Variants in BICDL1 observed in about 807,000 individuals in gnomAD.
The protein encoded by BICDL1 is BICD family-like cargo adapter 1.
A neutral mutation model predicts 76.8 loss-of-function variants in BICDL1; 20 were observed. The ratio of observed to expected loss-of-function variants is 0.26; its 90% CI spans 0.18 to 0.38. The LOEUF is 0.38. BICDL1 is among the 10% of genes least tolerant of loss of function. BICDL1 has a pLI of 1.00. For missense variants in BICDL1, 700 were observed against 798.6 expected (o/e 0.88, Z 1.49); for synonymous variants, 383 against 337.1 (o/e 1.14, Z -1.49).
rs1030022643 is a variant in BICDL1 at position 120,093,659 on chromosome 12, G to A, written c.*498G>A. Reference sequence around the variant, plus strand: ...ATTCCTTCCCCAGCCCCTGGCCCAGGGTCAAAGGAGAGATGGCAGCCCCTC... The same window carrying A: ...ATTCCTTCCCCAGCCCCTGGCCCAGAGTCAAAGGAGAGATGGCAGCCCCTC... On this transcript the variant is annotated 3_prime_UTR_variant, in exon 10 of 10. Coordinates refer to ENST00000548673, the MANE Select transcript of BICDL1 (RefSeq NM_001367886.1). 6 of 170,440 alleles carry A rather than the reference G, an allele frequency of 3.5e-5. No homozygotes were observed. The highest frequency in any genetic ancestry group is 7.2e-5 in the African/African-American group (3 of 41,598). 10.6% of individuals were successfully genotyped at this position (170,440 alleles called of 1,614,324 possible).
At chr12:120,068,366 G>A (rs935491846) in intron 4 of BICDL1, among the ~76,000 whole-genome samples, 1 of 152,244 alleles carries the variant, frequency 6.6e-6, no homozygotes, top group Non-Finnish European at 1.5e-5. Context: ...GTGGGGAGTT[G>A]CAGTCCACAG....
intron 2 of BICDL1, chr12:120,057,143 C>A: frequency 1.9e-6 from 1 of 517,040 alleles, no homozygotes; most frequent in Non-Finnish European, 3.9e-6. Context: ...TGACAGGTTC[C>A]CAATTATTAC....
rs993168692 is a variant in BICDL1, at chr12:120,094,234, G to GC, written c.*1076dup. 2.2e-6 allele frequency: 1 copy of GC among 456,762 alleles called. No individual in the cohort carries two copies. The highest frequency in any genetic ancestry group is 1.5e-5 in the South Asian group (1 of 64,574). The allele number at this position is 456,762 out of a possible 1,614,324, so 28.3% of individuals were successfully genotyped here. A position where few individuals can be genotyped will look rare whatever the true frequency, so the allele number is the denominator to read the frequency against. ...ACTCAGAGGCTCCGCGGCCCGGCCA[G>GC]CCCTCAGCTGCTCACAACCGATTCA... On this transcript the variant is annotated 3_prime_UTR_variant, in exon 10 of 10. Transcript: ENST00000548673.
At chr12:120,051,589 G>A (rs1252086791) in intron 2 of BICDL1, among the ~76,000 whole-genome samples, 1 of 152,142 alleles carries the variant, frequency 6.6e-6, no homozygotes, top group African/African-American at 2.4e-5. Flanking sequence ...CTCCAAAGAG[G>A]ATTTGCGTTT....
intron 4 of BICDL1, among the ~76,000 whole-genome samples, chr12:120,069,177 A>G (rs1253970027): frequency 6.6e-6 from 1 of 152,242 alleles, no homozygotes; most frequent in Non-Finnish European, 1.5e-5. Flanking sequence ...TCTAAAGGGC[A>G]TATAATATAT....
At chr12:119,996,987 C>G (rs571905281) in intron 1 of BICDL1, among the ~76,000 whole-genome samples, 1 of 150,000 alleles carries the variant, frequency 6.7e-6, no homozygotes, top group Non-Finnish European at 1.5e-5. Flanking sequence ...CTCGCTCCGT[C>G]GTCCGGGCTA....
In BICDL1 at chr12:120,093,000, G is replaced by C. The variant is rs760865612; in HGVS notation, c.1705G>C (p.Asp569His). ...NLSQQLEAWQDDMHRVIDRQL... is the reference protein window; with the variant it reads ...NLSQQLEAWQHDMHRVIDRQL... ...GGCCACTGTCCCCTCCCCTCTGCAG[G>C]ATGACATGCACAGGGTCATTGACCG... is the stretch of plus-strand genomic sequence containing the variant. Residue 569 changes from aspartate to histidine, a missense_variant and splice_region_variant, in exon 10 of 10, where the codon GAT (aspartate) becomes CAT (histidine). By Grantham distance (81) the Asp-to-His change is moderately conservative. Transcript: ENST00000548673. 1 of 1,555,000 alleles carries C rather than the reference G, an allele frequency of 6.4e-7. No individual in the cohort carries two copies. Among genetic ancestry groups the C allele is most frequent in the South Asian group, 1.2e-5 (1 of 81,810 alleles).
intron 4 of BICDL1, among the ~76,000 whole-genome samples, chr12:120,067,015 G>T (rs1483658072): frequency 6.6e-6 from 1 of 152,154 alleles, no homozygotes; most frequent in Non-Finnish European, 1.5e-5. Context: ...TATATAATTG[G>T]GGTCCTGCTG....
In BICDL1 at chr12:120,087,316, G is replaced by C. The variant is rs143925542; in HGVS notation, c.1584-2635G>C. Among the ~76,000 whole-genome samples, 37 of 152,342 alleles carry C rather than the reference G, an allele frequency of 2.4e-4. No individual in the cohort carries two copies. The East Asian group carries it at 5.4e-3, about 22-fold the overall frequency. Reference sequence around the variant, plus strand: ...ACGCGGTGGCTGAGCTGTCTGGAGCGGTTTCTCTAGGGAAGGCAGGCGGGC... The same window carrying C: ...ACGCGGTGGCTGAGCTGTCTGGAGCCGTTTCTCTAGGGAAGGCAGGCGGGC... On this transcript the variant is annotated intron_variant, in intron 8 of 9. Coordinates refer to ENST00000548673, the MANE Select transcript of BICDL1 (RefSeq NM_001367886.1).
Position 119,989,867 on chromosome 12 carries a change from C to T in BICDL1, c.-2C>T, listed in dbSNP as rs2138561978. On this transcript the variant is annotated 5_prime_UTR_variant, in exon 1 of 10. Transcript: ENST00000548673. The stretch of plus-strand genomic sequence containing the variant: ...CCGCTGCGGGCTCCGCGCGCGCGGG[C>T]CATGTCCGCTTTCTGCCTGGGCTTG... 1 of 1,399,706 alleles carries T rather than the reference C, an allele frequency of 7.1e-7. No homozygotes were observed. The highest frequency in any genetic ancestry group is 9.2e-7 in the Non-Finnish European group (1 of 1,088,986). The allele number at this position is 1,399,706 out of a possible 1,614,324, so 86.7% of individuals were successfully genotyped here. A position where few individuals can be genotyped will look rare whatever the true frequency, so the allele number is the denominator to read the frequency against.
chr12:120,061,581 C>G (rs1191466848), intron 2 of BICDL1, 129 bp from the exon 3 acceptor site: 4 of 717,936 alleles, frequency 5.6e-6, no homozygotes, highest in Non-Finnish European at 1.0e-5. Flanking sequence ...GATGGGAAAC[C>G]AGCATCTCAT....
chr12:120,045,956 C>T (rs547164321), intron 2 of BICDL1, among the ~76,000 whole-genome samples: 1 of 135,068 alleles, frequency 7.4e-6, no homozygotes, highest in Non-Finnish European at 1.5e-5. Context: ...ATAAACATTT[C>T]ACATTCCAGG....
At position 120,071,478 on chromosome 12, in the gene BICDL1, C is replaced by T; in HGVS notation, c.910-144C>T. On this transcript the variant is annotated intron_variant, in intron 4 of 9. Transcript: ENST00000548673. The surrounding 1 kb of genome is among the most constrained non-coding windows in gnomAD (Gnocchi z 4.8). ...GATCTGGATTTTGCTGAGTGCATCTCCTGATGTAGTTTAACATGTTCTTCT... is the reference window on the plus strand; with the variant it reads ...GATCTGGATTTTGCTGAGTGCATCTTCTGATGTAGTTTAACATGTTCTTCT... The T allele has an allele frequency of 8.2e-7, 1 of 1,212,272 alleles. No individual in the cohort carries two copies. The highest frequency in any genetic ancestry group is 1.7e-5 in the South Asian group (1 of 58,922). The allele number at this position is 1,212,272 out of a possible 1,614,324, so 75.1% of individuals were successfully genotyped here.
chr12:120,093,479 A>ACCCAACAGATCGCAGCCCACC lies in BICDL1; in HGVS notation c.*323_*343dup, dbSNP rs1875162246. 2.9e-6 allele frequency: 1 copy of ACCCAACAGATCGCAGCCCACC among 345,462 alleles called. No individual in the cohort carries two copies. The highest frequency in any genetic ancestry group is 4.4e-5 in the Admixed American group (1 of 22,514). 21.4% of individuals were successfully genotyped at this position (345,462 alleles called of 1,614,324 possible). A position where few individuals can be genotyped will look rare whatever the true frequency, so the allele number is the denominator to read the frequency against. ...CTTGGTGTTGGGCTTTGCAGCTCAC[A>ACCCAACAGATCGCAGCCCACC]CCCAACAGATCGCAGCCCACCCCCA... On this transcript the variant is annotated 3_prime_UTR_variant, in exon 10 of 10. Transcript: ENST00000548673.
chr12:120,087,307 G>A (rs1007992402), intron 8 of BICDL1, among the ~76,000 whole-genome samples: 3 of 152,208 alleles, frequency 2.0e-5, no homozygotes, highest in Non-Finnish European at 4.4e-5. Context: ...TGGCTGAGCT[G>A]TCTGGAGCGG....
At chr12:120,057,502 T>A (rs1953001002) in intron 2 of BICDL1, among the ~76,000 whole-genome samples, 1 of 152,226 alleles carries the variant, frequency 6.6e-6, no homozygotes, top group Non-Finnish European at 1.5e-5. Flanking sequence ...ACATAAGAGT[T>A]ATATATAAAC....
At chr12:119,991,503 C>A (rs1186109775) in intron 1 of BICDL1, among the ~76,000 whole-genome samples, 1 of 152,168 alleles carries the variant, frequency 6.6e-6, no homozygotes, top group Admixed American at 6.5e-5. Flanking sequence ...TCCTGAGATA[C>A]CTCTCTGAAA....
chr12:120,048,480 G>A (rs889523916), intron 2 of BICDL1, among the ~76,000 whole-genome samples: 2 of 152,076 alleles, frequency 1.3e-5, no homozygotes, highest in Non-Finnish European at 2.9e-5. Context: ...ACTTGTTTGA[G>A]GTGTGTCTTC....
In BICDL1 at chr12:120,094,035, A is replaced by C. The variant is rs540566233; in HGVS notation, c.*874A>C. The C allele has an allele frequency of 2.1e-5, 8 of 375,276 alleles. No homozygotes were observed. Among genetic ancestry groups the C allele is most frequent in the African/African-American group, 1.7e-4 (8 of 47,020 alleles). 23.2% of individuals were successfully genotyped at this position (375,276 alleles called of 1,614,324 possible). Reference sequence around the variant, plus strand: ...AAACAAGTCCAGGCCACTGAATGGCACCAGAGGGGTCTGTGGTCAGCCACC... The same window carrying C: ...AAACAAGTCCAGGCCACTGAATGGCCCCAGAGGGGTCTGTGGTCAGCCACC... On this transcript the variant is annotated 3_prime_UTR_variant, in exon 10 of 10. Transcript: ENST00000548673.
Sources: allele counts gnomAD v4.1 joint callset (sites outside exome capture counted in the v4.1 genomes callset), GRCh38; gene constraint gnomAD v4.1.1; non-coding constraint Gnocchi (gnomAD v3.1); transcripts MANE v1.5; gene names NCBI Gene and HGNC (gene_info 2026-07-23, HGNC 2026-07-21).